Variants in LCP1 observed in about 807,000 individuals in gnomAD.
LCP1 encodes the protein plastin-2.
In LCP1, 23 loss-of-function variants were observed where a neutral mutation model predicts 72.0. The ratio of observed to expected loss-of-function variants is 0.32; its 90% confidence interval spans 0.23 to 0.45. The LOEUF (loss-of-function observed/expected upper bound fraction) is 0.45, where lower values mean the gene tolerates loss of function less well. Ranked by LOEUF, LCP1 falls within the 20% of genes least tolerant of loss-of-function variation. The pLI, the probability that LCP1 is intolerant of heterozygous loss-of-function variation, is 1.00. For missense variants in LCP1, 571 were observed against 748.3 expected, an observed-to-expected ratio of 0.76 and a Z score of 2.76; for synonymous variants, 245 against 275.4, an observed-to-expected ratio of 0.89 and a Z score of 1.09.
chr13:46,157,772 G>A (rs1436453575), intron 4 of LCP1, among the ~76,000 whole-genome samples: 1 of 121,762 alleles, frequency 8.2e-6, no homozygotes, highest in Non-Finnish European at 1.6e-5. Flanking sequence ...TTTTGAGACA[G>A]AGTCTTGTTC....
At chr13:46,135,524 G>A (rs2045659848) in intron 13 of LCP1, among the ~76,000 whole-genome samples, 1 of 152,170 alleles carries the variant, frequency 6.6e-6, no homozygotes, top group South Asian at 2.1e-4. Context: ...CCTGAAATAA[G>A]AGCAATGCCC....
rs2045818101 is a variant in LCP1 at position 46,158,598 on chromosome 13, G to A, written c.282C>T (p.Ile94=). 6.2e-7 allele frequency: 1 copy of A among 1,614,102 alleles called. No homozygotes were observed. The highest frequency in any genetic ancestry group is 8.5e-7 in the Non-Finnish European group (1 of 1,179,996). ...TTGCACAAATCCCTTCCTTCTTATT[G>A]ATTGCTTTTCTAAAGGTCTTGGCAA... ...TDVAKTFRKA[I]NKKEGICAIG... is the part of the protein sequence containing the mutation. Residue 94 remains isoleucine (I), a synonymous_variant, in exon 4 of 16, where the codon ATC becomes ATT. Coordinates refer to ENST00000323076, the MANE Select transcript of LCP1 (RefSeq NM_002298.5).
rs139065827 is a variant in LCP1 at position 46,126,038 on chromosome 13, G to T, written c.*1553C>A. On this transcript the variant is annotated 3_prime_UTR_variant, in exon 16 of 16. Coordinates refer to ENST00000323076, the MANE Select transcript of LCP1 (RefSeq NM_002298.5). ...AGGGGGGAAATCATCTGAGGCTACA[G>T]TAAGTTCAATCTGAAGTCAAAACCA... 2.1e-3 allele frequency: 432 copies of T among 207,870 alleles called. 8 individuals are homozygous for T. The East Asian group carries it at 0.029, about 14-fold the overall frequency. 12.9% of individuals were successfully genotyped at this position (207,870 alleles called of 1,614,324 possible).
intron 1 of LCP1, among the ~76,000 whole-genome samples, chr13:46,163,237 C>T (rs1185045175): frequency 6.6e-6 from 1 of 152,232 alleles, no homozygotes; most frequent in African/African-American, 2.4e-5. Flanking sequence ...CAGATTGTTG[C>T]TGTGTCTGTG....
rs1410778919 is a variant in LCP1 at position 46,134,244 on chromosome 13, T to C, written c.1509A>G (p.Thr503=). 2 of 1,612,572 alleles carry C rather than the reference T, an allele frequency of 1.2e-6. No individual in the cohort carries two copies. Among genetic ancestry groups the C allele is most frequent in the Non-Finnish European group, 1.7e-6 (2 of 1,179,204 alleles). Reference sequence around the variant, plus strand: ...CACCAATTTCTTCGAGGATATTCAGTGTATACCTGAACAAAATAAAGAATG... The same window carrying C: ...CACCAATTTCTTCGAGGATATTCAGCGTATACCTGAACAAAATAAAGAATG... ...ALIWQLMRRY[T]LNILEEIGGG... The change falls in exon 14 of 16, where the codon ACA becomes ACG. Residue 503 remains threonine (T), a synonymous_variant. Coordinates refer to ENST00000323076, the MANE Select transcript of LCP1 (RefSeq NM_002298.5).
intron 1 of LCP1, among the ~76,000 whole-genome samples, chr13:46,162,633 G>A (rs866563013): frequency 6.6e-6 from 1 of 151,964 alleles, no homozygotes; most frequent in African/African-American, 2.4e-5. Flanking sequence ...GTGCAGTGGC[G>A]TGATCTCGGC....
chr13:46,140,449 G>A (rs1593946155), intron 13 of LCP1, among the ~76,000 whole-genome samples: 1 of 152,108 alleles, frequency 6.6e-6, no homozygotes, highest in East Asian at 1.9e-4. Flanking sequence ...TTACTAACAA[G>A]CAAAATGAGC....
chr13:46,146,537 T>A (rs1042186646), intron 10 of LCP1, among the ~76,000 whole-genome samples: 4 of 152,154 alleles, frequency 2.6e-5, no homozygotes, highest in Non-Finnish European at 5.9e-5. Context: ...TTAAATATCA[T>A]TTTTTGGAAA....
intron 1 of LCP1, among the ~76,000 whole-genome samples, chr13:46,170,062 A>T (rs2045897354): frequency 6.6e-6 from 1 of 152,202 alleles, no homozygotes; most frequent in Admixed American, 6.5e-5. Context: ...GGTACTCAGT[A>T]AATGAGCTGT....
intron 1 of LCP1, among the ~76,000 whole-genome samples, chr13:46,179,457 G>T (rs1337102506): frequency 6.6e-6 from 1 of 152,138 alleles, no homozygotes; most frequent in Non-Finnish European, 1.5e-5. Context: ...AGGAGCTCAG[G>T]TCTGTCAGCA....
rs1390708715 is a variant in LCP1 at position 46,144,474 on chromosome 13, C to A, written c.1221G>T (p.Leu407=). 4 of 1,613,892 alleles carry A rather than the reference C, an allele frequency of 2.5e-6. No individual in the cohort carries two copies. The highest frequency in any genetic ancestry group is 3.4e-6 in the Non-Finnish European group (4 of 1,179,800). Residue 407 remains leucine, a synonymous_variant, in exon 11 of 16, where the codon CTG becomes CTT. Transcript: ENST00000323076. ...ERTFRNWMNS[L]GVNPRVNHLY... The stretch of plus-strand genomic sequence containing the variant: ...AATGATTGACTCGAGGGTTAACACC[C>A]AGGGAGTTCATCCAGTTCCTAAATG...
chr13:46,148,589 C>G (rs1204450345), intron 8 of LCP1, 142 bp from the exon 9 acceptor site: 6 of 637,688 alleles, frequency 9.4e-6, no homozygotes, highest in African/African-American at 1.8e-5. Context: ...TAGAAACATT[C>G]ACTAATTTGA....
chr13:46,177,507 G>A (rs1356915842), intron 1 of LCP1, among the ~76,000 whole-genome samples: 8 of 152,110 alleles, frequency 5.3e-5, no homozygotes, highest in Admixed American at 4.6e-4. Context: ...GGGCGTGGTG[G>A]TGGGCGCCTG....
At chr13:46,165,288 C>A (rs2045869891) in intron 1 of LCP1, among the ~76,000 whole-genome samples, 1 of 151,844 alleles carries the variant, frequency 6.6e-6, no homozygotes, top group South Asian at 2.1e-4. Context: ...GTGGGAGGAT[C>A]ACTTGAACCC....
intron 11 of LCP1, 108 bp downstream of exon 11, chr13:46,144,334 A>T (rs2045716795): frequency 7.1e-6 from 6 of 850,052 alleles, no homozygotes; most frequent in Admixed American, 6.9e-5. Flanking sequence ...CCTTCCAGCA[A>T]GGTATGCACA....
chr13:46,139,213 T>G (rs923728615), intron 13 of LCP1, among the ~76,000 whole-genome samples: 1 of 152,198 alleles, frequency 6.6e-6, no homozygotes, highest in African/African-American at 2.4e-5. Context: ...AAGACAGAGT[T>G]GGAGTTTCTT....
At chr13:46,143,822 T>G (rs1262798964) in intron 11 of LCP1, among the ~76,000 whole-genome samples, 2 of 152,240 alleles carry the variant, frequency 1.3e-5, no homozygotes, top group African/African-American at 2.4e-5. Flanking sequence ...ATCCCAGCAC[T>G]TTGGGAGACC....
chr13:46,144,344 A>G, intron 11 of LCP1, 98 bp downstream of exon 11: 2 of 947,356 alleles, frequency 2.1e-6, no homozygotes, highest in Non-Finnish European at 3.3e-6. Context: ...AGGTATGCAC[A>G]TTTTGTGAAG....
Position 46,127,133 on chromosome 13 carries a change from G to A in LCP1, c.*458C>T, listed in dbSNP as rs1482355433. On this transcript the variant is annotated 3_prime_UTR_variant, in exon 16 of 16. Coordinates refer to ENST00000323076, the MANE Select transcript of LCP1 (RefSeq NM_002298.5). The stretch of plus-strand genomic sequence containing the variant: ...GGTAGGAAGAGGGGACAGAAAGAGG[G>A]GCTTGCAACAGATCAAATGCTGACC... 1 of 232,810 alleles carries A rather than the reference G, an allele frequency of 4.3e-6. No homozygotes were observed. Among genetic ancestry groups the A allele is most frequent in the Non-Finnish European group, 8.5e-6 (1 of 117,874 alleles). 14.4% of individuals were successfully genotyped at this position (232,810 alleles called of 1,614,324 possible).
Sources: gnomAD v4.1 joint callset for allele counts (sites outside exome capture counted in the v4.1 genomes callset) on GRCh38, gnomAD v4.1.1 for gene constraint, MANE v1.5 for transcripts, NCBI Gene and HGNC (gene_info 2026-07-23, HGNC 2026-07-21) for gene names.